TBC1D8: variants seen among roughly 807,000 people sequenced by gnomAD.
TBC1D8 encodes the protein BUB2-like protein 1.
Under a neutral mutation model 118.8 loss-of-function variants are expected in TBC1D8, and 65 were observed. That is an observed-to-expected ratio of 0.55 (90% CI 0.45 to 0.67). The LOEUF (loss-of-function observed/expected upper bound fraction) is 0.67, where lower values mean the gene tolerates loss of function less well. Among genes scored for constraint, TBC1D8 ranks in the 30% least tolerant of loss-of-function variants. TBC1D8 has a pLI of 0.00. For missense variants in TBC1D8, 1,376 were observed against 1,471.2 expected (o/e 0.94, Z 1.06); for synonymous variants, 566 against 595.8 (o/e 0.95, Z 0.73).
At chr2:101,073,358 G>A (rs1165037431) in intron 2 of TBC1D8, among the ~76,000 whole-genome samples, 9 of 148,824 alleles carry the variant, frequency 6.0e-5, no homozygotes, top group East Asian at 2.0e-4. Flanking sequence ...GCAGTGCCAC[G>A]ATCTCGGCTC....
At chr2:101,148,136 C>G (rs1178101468) in intron 1 of TBC1D8, among the ~76,000 whole-genome samples, 1 of 152,140 alleles carries the variant, frequency 6.6e-6, no homozygotes, top group African/African-American at 2.4e-5. Flanking sequence ...AAAGAGGGAG[C>G]TACAAAAAAA....
chr2:101,024,286 T>C (rs1164114580), intron 15 of TBC1D8, among the ~76,000 whole-genome samples: 1 of 152,050 alleles, frequency 6.6e-6, no homozygotes, highest in Non-Finnish European at 1.5e-5. Context: ...TAAATTAAAA[T>C]GAAATGCAAT....
rs1045668934 is a variant in TBC1D8 at position 101,059,484 on chromosome 2, G to A, written c.339C>T (p.Leu113=). The A allele has an allele frequency of 6.2e-7, 1 of 1,613,826 alleles. No individual in the cohort carries two copies. Among genetic ancestry groups the A allele is most frequent in the African/African-American group, 1.3e-5 (1 of 74,908 alleles). Residue 113 remains leucine, a synonymous_variant, in exon 3 of 20, where the codon CTC becomes CTT. Transcript: ENST00000409318. ...TATTATCAAAGACAGACAAGGTGTGGAGGAGATTTTGTTCCAGCCAGTCCC... is the reference window on the plus strand; with the variant it reads ...TATTATCAAAGACAGACAAGGTGTGAAGGAGATTTTGTTCCAGCCAGTCCC... ...QHWDWLEQNL[L]HTLSVFDNKD...
Position 101,032,329 on chromosome 2 carries a change from GA to G in TBC1D8, c.1874del (p.Phe625SerfsTer20). The G allele has an allele frequency of 6.2e-7, 1 of 1,613,914 alleles. No individual in the cohort carries two copies. Among genetic ancestry groups the G allele is most frequent in the Non-Finnish European group, 8.5e-7 (1 of 1,179,806 alleles). ...GCTCACACACAGCAACCAACAGCCA[GA>G]AGGCTTCCTCCTCCTTGGTGTACAG... The part of the protein sequence containing the change: ...LLLYTKEEEA[F>X]WLLVAVCERM... On this transcript the variant is annotated frameshift_variant, in exon 11 of 20. Transcript: ENST00000409318. LOFTEE classifies it high-confidence loss of function.
intron 1 of TBC1D8, among the ~76,000 whole-genome samples, chr2:101,141,438 T>C (rs936176719): frequency 1.3e-5 from 2 of 152,176 alleles, no homozygotes; most frequent in African/African-American, 2.4e-5. Context: ...TCTCTTCTCC[T>C]AGAAGTTGTC....
intron 11 of TBC1D8, among the ~76,000 whole-genome samples, chr2:101,031,468 T>C (rs1680667408): frequency 6.6e-6 from 1 of 152,162 alleles, no homozygotes; most frequent in South Asian, 2.1e-4. Flanking sequence ...CTAAATTCTG[T>C]CTGAAGTTGG....
intron 2 of TBC1D8, among the ~76,000 whole-genome samples, chr2:101,071,873 C>T (rs1674463488): frequency 6.6e-6 from 1 of 152,264 alleles, no homozygotes. Flanking sequence ...TAAAATGGTG[C>T]TTTCCAGAAC....
chr2:101,066,240 C>T (rs1261507779), intron 2 of TBC1D8, among the ~76,000 whole-genome samples: 1 of 151,978 alleles, frequency 6.6e-6, no homozygotes, highest in African/African-American at 2.4e-5. Context: ...GCCGAGATCA[C>T]GCCACTGCAC....
At chr2:101,131,069 TA>T (rs2104256404) in intron 1 of TBC1D8, among the ~76,000 whole-genome samples, 1 of 152,262 alleles carries the variant, frequency 6.6e-6, no homozygotes, top group African/African-American at 2.4e-5. Flanking sequence ...TTTATTTATT[TA>T]TTTATTTATT....
chr2:101,073,296 A>ATT (rs373693169), intron 2 of TBC1D8, among the ~76,000 whole-genome samples: 6 of 76,012 alleles, frequency 7.9e-5, no homozygotes, highest in African/African-American at 2.4e-4. Context: ...ATTTTATTTT[A>ATT]TTTATTTTTT....
In TBC1D8 at chr2:101,050,471, GCAGCGTCAC is replaced by G; in HGVS notation, c.793_801del (p.Val265_Leu267del). On this transcript the variant is annotated inframe_deletion, in exon 5 of 20. Transcript: ENST00000409318. ...AAGACCTCATTATCCAGCAGCCTTC[GCAGCGTCAC>G]GTCGGCCAGCTGCTCCATGACCTTA... is the stretch of plus-strand genomic sequence containing the variant. 1 of 1,613,886 alleles carries G rather than the reference GCAGCGTCAC, an allele frequency of 6.2e-7. No homozygotes were observed. The highest frequency in any genetic ancestry group is 8.5e-7 in the Non-Finnish European group (1 of 1,179,840).
intron 15 of TBC1D8, chr2:101,024,079 C>T (rs1306116323): frequency 6.6e-6 from 1 of 152,224 alleles, no homozygotes; most frequent in African/African-American, 2.4e-5. Flanking sequence ...TAGACTGTCA[C>T]ATCAACATCC....
At chr2:101,087,989 A>C (rs1378503812) in intron 2 of TBC1D8, among the ~76,000 whole-genome samples, 20 of 152,238 alleles carry the variant, frequency 1.3e-4, no homozygotes, top group Non-Finnish European at 1.5e-5. Context: ...TCTTGTACTA[A>C]AGAAACATTT....
At position 101,007,398 on chromosome 2, in the gene TBC1D8, A is replaced by C. The variant is rs1678803495; in HGVS notation, c.*423T>G. ...AAAAAAAAGCCAAATACAATTGCAC[A>C]GATAGTGGACTCCCTTAGATCTTGA... is the stretch of plus-strand genomic sequence containing the variant. On this transcript the variant is annotated 3_prime_UTR_variant, in exon 20 of 20. Coordinates refer to ENST00000409318, the MANE Select transcript of TBC1D8 (RefSeq NM_001330348.2). 6.0e-6 allele frequency: 1 copy of C among 167,576 alleles called. No individual in the cohort carries two copies. Among genetic ancestry groups the C allele is most frequent in the African/African-American group, 2.4e-5 (1 of 41,756 alleles). The allele number at this position is 167,576 out of a possible 1,614,324, so 10.4% of individuals were successfully genotyped here. A position where few individuals can be genotyped will look rare whatever the true frequency, so the allele number is the denominator to read the frequency against.
At chr2:101,045,747 G>A (rs1009785514) in intron 5 of TBC1D8, among the ~76,000 whole-genome samples, 11 of 152,098 alleles carry the variant, frequency 7.2e-5, no homozygotes, top group East Asian at 3.9e-4. Flanking sequence ...TCATCCCAGC[G>A]CTTTGGGAGG....
chr2:101,146,342 T>C (rs1224591592), intron 1 of TBC1D8, among the ~76,000 whole-genome samples: 1 of 152,318 alleles, frequency 6.6e-6, no homozygotes, highest in East Asian at 1.9e-4. Context: ...CCTAACTGTT[T>C]AGGTAATCAG....
At chr2:101,074,463 C>A (rs1025088352) in intron 2 of TBC1D8, among the ~76,000 whole-genome samples, 2 of 152,162 alleles carry the variant, frequency 1.3e-5, no homozygotes, top group African/African-American at 4.8e-5. Context: ...AAAAATAGTG[C>A]TAACAGATTT....
intron 1 of TBC1D8, among the ~76,000 whole-genome samples, chr2:101,103,069 G>A (rs1676960129): frequency 1.3e-5 from 2 of 151,890 alleles, no homozygotes; most frequent in Middle Eastern, 3.4e-3. Flanking sequence ...TAAAATAAAG[G>A]AAACTACAGA....
At position 101,008,187 on chromosome 2, in the gene TBC1D8, T is replaced by C; in HGVS notation, c.3102A>G (p.Thr1034=). ...CGATCTGCAGCAGCAGTGTGGTGAC[T>C]GTGGCGATGGCTTGATACAAATCAT... ...EENDLYQAIA[T]VTTLLLQIGE... The change falls in exon 20 of 20, where the codon ACA becomes ACG. Residue 1034 remains threonine (T), a synonymous_variant. Transcript: ENST00000409318. 1 of 1,613,202 alleles carries C rather than the reference T, an allele frequency of 6.2e-7. No homozygotes were observed. The highest frequency in any genetic ancestry group is 8.5e-7 in the Non-Finnish European group (1 of 1,179,466).
Sources: gnomAD v4.1 joint callset for allele counts (sites outside exome capture counted in the v4.1 genomes callset) on GRCh38, gnomAD v4.1.1 for gene constraint, MANE v1.5 for transcripts, NCBI Gene and HGNC (gene_info 2026-07-23, HGNC 2026-07-21) for gene names.